ADD1: variants seen among roughly 807,000 people sequenced by gnomAD.
ADD1 encodes adducin 1, also known as alpha-adducin.
Under a neutral mutation model 80.5 loss-of-function variants are expected in ADD1, and 24 were observed. The observed-to-expected ratio is 0.30, with a 90% CI of 0.22 to 0.42. The LOEUF is 0.42. Among genes scored for constraint, ADD1 ranks in the 10% least tolerant of loss-of-function variants. The pLI is 1.00. For synonymous variants in ADD1, 373 were observed against 393.8 expected, an observed-to-expected ratio of 0.95 and a Z score of 0.63; for missense variants, 948 against 1,019.0, an observed-to-expected ratio of 0.93 and a Z score of 0.95.
rs913151449 is a variant in ADD1 at position 2,899,382 on chromosome 4, T to G, written c.1108T>G (p.Trp370Gly). ...GGAAGGCACTGGATCGCCTCCCAAG[T>G]GGCAGATTGGTGAGCAGGAATTTGA... ...VGEGTGSPPKWQIGEQEFEAL... is the reference protein window; with the variant it reads ...VGEGTGSPPKGQIGEQEFEAL... Residue 370 changes from tryptophan (W) to glycine (G), a missense_variant, in exon 9 of 16, where the codon TGG becomes GGG. Coordinates refer to ENST00000683351, the MANE Select transcript of ADD1 (RefSeq NM_001354761.2). 1.2e-6 allele frequency: 2 copies of G among 1,614,190 alleles called. No homozygotes were observed. The highest frequency in any genetic ancestry group is 1.7e-6 in the Non-Finnish European group (2 of 1,180,026).
rs543083692 is a variant in ADD1, at chr4:2,861,548, C to G, written c.-20-14348C>G. Among the ~76,000 whole-genome samples, 5 of 152,278 alleles carry G rather than the reference C, an allele frequency of 3.3e-5. No homozygotes were observed. The South Asian group carries it at 1.0e-3, about 32-fold the overall frequency. On this transcript the variant is annotated intron_variant, in intron 1 of 15. Coordinates refer to ENST00000683351, the MANE Select transcript of ADD1 (RefSeq NM_001354761.2). ...GATGTTTTGTTGGCATTTGGACATA[C>G]AAGTTTGGCCTCAGGGAAGAGTTTA...
At chr4:2,848,551 C>T (rs1467648896) in intron 1 of ADD1, among the ~76,000 whole-genome samples, 1 of 152,062 alleles carries the variant, frequency 6.6e-6, no homozygotes, top group Non-Finnish European at 1.5e-5. Context: ...TTGCCGCAGC[C>T]TTGAACTCCT....
Position 2,876,106 on chromosome 4 carries a change from G to C in ADD1, c.191G>C (p.Ser64Thr). The C allele has an allele frequency of 6.2e-7, 1 of 1,611,630 alleles. No homozygotes were observed. Among genetic ancestry groups the C allele is most frequent in the Non-Finnish European group, 8.5e-7 (1 of 1,179,148 alleles). The change falls in exon 2 of 16, where the codon AGC becomes ACC. Residue 64 changes from serine (S) to threonine (T), a missense_variant. Ser to Thr is a moderately conservative substitution (Grantham distance 58). Transcript: ENST00000683351. ...AAGAGGGTGTCCATGATTCTGCAAA[G>C]CCCTGTGAGAAGAGAAGTCTTTTCT... ...QKKRVSMILQ[S>T]PAFCEELESM...
rs779858510 is a variant in ADD1, at chr4:2,882,071, C to A, written c.358+11C>A. On this transcript the variant is annotated intron_variant, in intron 3 of 15. Transcript: ENST00000683351. ...CTGCCTTAAACATGAGTGAGTAGTT[C>A]CTGATTTTTAATATATGTTCTGTAG... 9 of 1,578,874 alleles carry A rather than the reference C, an allele frequency of 5.7e-6. No individual in the cohort carries two copies. The African/African-American group carries it at 1.1e-4, about 19-fold the overall frequency.
intron 13 of ADD1, among the ~76,000 whole-genome samples, chr4:2,910,154 T>C (rs1468739564): frequency 2.7e-5 from 4 of 149,532 alleles, no homozygotes; most frequent in Admixed American, 6.7e-5. Flanking sequence ...AGGCTGCTAG[T>C]GTGCAGGAGT....
chr4:2,914,058 CAAAA>C (rs775339952), intron 13 of ADD1, among the ~76,000 whole-genome samples: 6 of 120,570 alleles, frequency 5.0e-5, no homozygotes, highest in Non-Finnish European at 8.8e-5. Context: ...GACTCCGTCT[CAAAA>C]AAAAAAAAAA....
chr4:2,902,187 A>G (rs1401088451), intron 9 of ADD1: 1 of 152,240 alleles, frequency 6.6e-6, no homozygotes, highest in Non-Finnish European at 1.5e-5. Context: ...AATGATGTTG[A>G]TGAGTCCTGG....
rs1169763334 is a variant in ADD1 at position 2,910,601 on chromosome 4, C to T, written c.1791+1170C>T. On this transcript the variant is annotated intron_variant, in intron 13 of 15. Coordinates refer to ENST00000683351, the MANE Select transcript of ADD1 (RefSeq NM_001354761.2). ...TGCAGGCCATGAGCCCAGCTGGCCTCCTGTGTAGAGCCCACGTGAGGGCAG... is the reference window on the plus strand; with the variant it reads ...TGCAGGCCATGAGCCCAGCTGGCCTTCTGTGTAGAGCCCACGTGAGGGCAG... Among the ~76,000 whole-genome samples the T allele has an allele frequency of 5.9e-5, 9 of 152,274 alleles. No homozygotes were observed. In the South Asian group the frequency reaches 1.9e-3, roughly 32 times the overall value.
intron 8 of ADD1, chr4:2,898,824 C>T (rs1241716158): frequency 2.3e-6 from 1 of 439,390 alleles, no homozygotes; most frequent in Non-Finnish European, 4.2e-6. Flanking sequence ...TAGTGTGTGT[C>T]ATCGCATATG....
At chr4:2,876,255 A>G (rs1042673790) in intron 2 of ADD1, 145 bp downstream of exon 2, 7 of 671,192 alleles carry the variant, frequency 1.0e-5, no homozygotes, top group Middle Eastern at 2.7e-4. Context: ...TGGTTGTTGA[A>G]AGAATTCAGT....
intron 14 of ADD1, 69 bp from the exon 15 acceptor site, chr4:2,925,945 A>G (rs1391638862): frequency 4.3e-6 from 6 of 1,411,410 alleles, no homozygotes; most frequent in African/African-American, 2.8e-5. Context: ...CCCATCTGCC[A>G]TGGAGGCAGG....
chr4:2,886,915 G>T (rs1156484144), intron 4 of ADD1, among the ~76,000 whole-genome samples: 1 of 152,318 alleles, frequency 6.6e-6, no homozygotes, highest in East Asian at 1.9e-4. Context: ...TTACAGCTGT[G>T]ATTGGAAACG....
intron 14 of ADD1, among the ~76,000 whole-genome samples, chr4:2,920,877 T>C (rs2109176828): frequency 1.3e-5 from 2 of 152,314 alleles, no homozygotes; most frequent in South Asian, 4.1e-4. Flanking sequence ...ATCCTGTCAT[T>C]ATGATGCTGG....
At chr4:2,871,597 G>C (rs1159696791) in intron 1 of ADD1, among the ~76,000 whole-genome samples, 1 of 152,188 alleles carries the variant, frequency 6.6e-6, no homozygotes, top group African/African-American at 2.4e-5. Context: ...TCTTCTGAGA[G>C]CAAGAAGAAT....
intron 4 of ADD1, among the ~76,000 whole-genome samples, chr4:2,886,120 A>T (rs1056564084): frequency 5.9e-5 from 9 of 152,310 alleles, no homozygotes; most frequent in African/African-American, 2.2e-4. Flanking sequence ...CCTTATGCAG[A>T]TGTCTAAAGA....
rs1712486379 is a variant in ADD1, at chr4:2,928,888, C to T, written c.*365C>T. 1 of 234,174 alleles carries T rather than the reference C, an allele frequency of 4.3e-6. No homozygotes were observed. Among genetic ancestry groups the T allele is most frequent in the Non-Finnish European group, 8.1e-6 (1 of 122,780 alleles). 14.5% of individuals were successfully genotyped at this position (234,174 alleles called of 1,614,324 possible). Reference sequence around the variant, plus strand: ...CGTCCCTCCTGTTGTGAAATCACCACATTCTGTCTCTGCTTGGCTTCCCCT... The same window carrying T: ...CGTCCCTCCTGTTGTGAAATCACCATATTCTGTCTCTGCTTGGCTTCCCCT... On this transcript the variant is annotated 3_prime_UTR_variant, in exon 16 of 16. Transcript: ENST00000683351.
At chr4:2,897,679 C>G (rs754560928) in intron 6 of ADD1, among the ~76,000 whole-genome samples, 2 of 151,062 alleles carry the variant, frequency 1.3e-5, no homozygotes, top group Non-Finnish European at 2.9e-5. Context: ...GCCATCACAT[C>G]TGGCTAATTT....
intron 9 of ADD1, chr4:2,901,443 TA>T (rs1235140784): frequency 1.3e-5 from 2 of 152,186 alleles, no homozygotes; most frequent in Non-Finnish European, 2.9e-5. Context: ...GATTAATAAG[TA>T]AAACATTCAT....
At chr4:2,876,838 CAAA>C (rs35435678) in intron 2 of ADD1, among the ~76,000 whole-genome samples, 2 of 128,056 alleles carry the variant, frequency 1.6e-5, no homozygotes, top group East Asian at 4.3e-4. Flanking sequence ...GACTCCGTCC[CAAA>C]AAAAAAAAAA....
Sources: gnomAD v4.1 joint callset for allele counts (sites outside exome capture counted in the v4.1 genomes callset) on GRCh38, gnomAD v4.1.1 for gene constraint, MANE v1.5 for transcripts, NCBI Gene and HGNC (gene_info 2026-07-23, HGNC 2026-07-21) for gene names.